The following IQCH variants were observed in gnomAD, a reference collection of about 807,000 sequenced individuals.
IQCH encodes IQ domain-containing protein H.
Under a neutral mutation model 117.0 loss-of-function variants are expected in IQCH, and 98 were observed. That is an observed-to-expected ratio of 0.84 (90% CI 0.71 to 0.99). IQCH has a LOEUF of 0.99. Among genes scored for constraint, IQCH ranks in the 50% least tolerant of loss-of-function variants. The pLI is 0.00. For synonymous variants in IQCH, 412 were observed against 448.2 expected (o/e 0.92, Z 1.02); for missense variants, 1,102 against 1,243.8 (o/e 0.89, Z 1.72).
At chr15:67,261,904 G>A (rs1965476906) in intron 2 of IQCH, among the ~76,000 whole-genome samples, 1 of 151,974 alleles carries the variant, frequency 6.6e-6, no homozygotes, top group South Asian at 2.1e-4. Flanking sequence ...TGGGCAACAT[G>A]GCGAAACCCT....
chr15:67,460,074 C>T (rs907941727), intron 16 of IQCH: 3 of 152,218 alleles, frequency 2.0e-5, no homozygotes, highest in Admixed American at 2.0e-4. Context: ...TCGCTTGAGC[C>T]CAGGAAGTCA....
chr15:67,350,087 A>G (rs2140709571), intron 6 of IQCH, among the ~76,000 whole-genome samples: 1 of 152,366 alleles, frequency 6.6e-6, no homozygotes, highest in East Asian at 1.9e-4. Flanking sequence ...TTTGTAATAT[A>G]TGAATGTTGC....
chr15:67,307,403 A>G (rs1277327663), intron 4 of IQCH, among the ~76,000 whole-genome samples: 1 of 151,264 alleles, frequency 6.6e-6, no homozygotes, highest in Non-Finnish European at 1.5e-5. Flanking sequence ...TCTCTCTCTC[A>G]CTGAAAGCAT....
chr15:67,479,323 T>G lies in IQCH; in HGVS notation c.2799+3505T>G, dbSNP rs2083287697. On this transcript the variant is annotated intron_variant, in intron 18 of 20. Transcript: ENST00000335894. The surrounding 1 kb of genome is among the most constrained non-coding windows in gnomAD (Gnocchi z 4.6). The stretch of plus-strand genomic sequence containing the variant: ...TCCCAGGGTCATACAGCCAGGAATT[T>G]TGTGGAACTGACATTTGAACCCGTA... 6.6e-6 allele frequency among the ~76,000 whole-genome samples: 1 copy of G among 152,222 alleles called. No homozygotes were observed.
At chr15:67,488,146 C>T (rs992808837) in intron 18 of IQCH, among the ~76,000 whole-genome samples, 5 of 152,180 alleles carry the variant, frequency 3.3e-5, no homozygotes, top group African/African-American at 1.2e-4. Context: ...AACCCTATCT[C>T]TACCAAAAAA....
Position 67,422,654 on chromosome 15 carries a change from T to C in IQCH, c.2505+1077T>C, listed in dbSNP as rs1278858263. Among the ~76,000 whole-genome samples the C allele has an allele frequency of 6.6e-6, 1 of 152,246 alleles. No homozygotes were observed. Among genetic ancestry groups the C allele is most frequent in the African/African-American group, 2.4e-5 (1 of 41,462 alleles). On this transcript the variant is annotated intron_variant, in intron 16 of 20. Coordinates refer to ENST00000335894, the MANE Select transcript of IQCH (RefSeq NM_001031715.3). The surrounding 1 kb of genome is among the most constrained non-coding windows in gnomAD (Gnocchi z 4.7). ...GATCATAACATTCTATCTATTATTA[T>C]TTTACTGTATGCTTTTGTTTAATAT...
intron 4 of IQCH, among the ~76,000 whole-genome samples, chr15:67,320,382 A>G (rs1968058432): frequency 6.6e-6 from 1 of 151,654 alleles, no homozygotes; most frequent in Admixed American, 6.6e-5. Context: ...CTTAACTGAA[A>G]CGACTACCAT....
At chr15:67,311,164 A>G (rs1054025444) in intron 4 of IQCH, among the ~76,000 whole-genome samples, 3 of 152,120 alleles carry the variant, frequency 2.0e-5, no homozygotes, top group Admixed American at 6.6e-5. Flanking sequence ...TATGAAATCT[A>G]TTTGTCAAAT....
intron 3 of IQCH, among the ~76,000 whole-genome samples, chr15:67,277,530 C>CTT (rs574311972): frequency 3.9e-5 from 5 of 128,836 alleles, no homozygotes; most frequent in East Asian, 2.3e-4. Context: ...CCTCCAGTAT[C>CTT]TTTTTTTTTT....
At chr15:67,326,874 A>G (rs1292680846) in intron 4 of IQCH, among the ~76,000 whole-genome samples, 1 of 152,192 alleles carries the variant, frequency 6.6e-6, no homozygotes, top group Non-Finnish European at 1.5e-5. Flanking sequence ...TATTTCAGTA[A>G]ATTGATTTCA....
chr15:67,470,148 A>G (rs183246004), intron 17 of IQCH, among the ~76,000 whole-genome samples: 42 of 152,322 alleles, frequency 2.8e-4, no homozygotes, highest in Admixed American at 7.8e-4. Context: ...CCGGATGTTC[A>G]TAGAGGAGTC....
Position 67,472,801 on chromosome 15 carries a change from A to T in IQCH, c.2677-2895A>T, listed in dbSNP as rs753608360. Among the ~76,000 whole-genome samples the T allele has an allele frequency of 6.6e-6, 1 of 152,128 alleles. No individual in the cohort carries two copies. On this transcript the variant is annotated intron_variant, in intron 17 of 20. Coordinates refer to ENST00000335894, the MANE Select transcript of IQCH (RefSeq NM_001031715.3). This position sits in a 1 kb window ranked among gnomAD's most constrained non-coding sequence, Gnocchi z 4.3. ...TGGACTAGGATGGTGATGGTTATGG[A>T]AAAGAAGGTTGGGAGACATGTACCA...
chr15:67,305,159 T>A (rs776508028), intron 4 of IQCH, among the ~76,000 whole-genome samples: 63 of 152,142 alleles, frequency 4.1e-4, no homozygotes, highest in Non-Finnish European at 7.5e-4. Flanking sequence ...TCTATTTTTT[T>A]AAATACATTT....
At chr15:67,340,437 A>C (rs1339473204) in intron 5 of IQCH, among the ~76,000 whole-genome samples, 46 of 129,240 alleles carry the variant, frequency 3.6e-4, no homozygotes, top group African/African-American at 8.1e-4. Flanking sequence ...AAAAAAAAAA[A>C]AAAAAAAAAA....
At position 67,373,375 on chromosome 15, in the gene IQCH, A is replaced by G; in HGVS notation, c.1314A>G (p.Ala438=). 6.2e-7 allele frequency: 1 copy of G among 1,611,590 alleles called. No homozygotes were observed. Among genetic ancestry groups the G allele is most frequent in the Non-Finnish European group, 8.5e-7 (1 of 1,177,924 alleles). The change falls in exon 10 of 21, where the codon GCA becomes GCG. Residue 438 remains alanine, a synonymous_variant. Transcript: ENST00000335894. The part of the protein sequence containing the change: ...ENFRIRAKHL[A]ANWNRIRTSR... ...CTCTTCTTGATTTTTAGCATCTGGC[A>G]GCCAACTGGAATCGCATCAGGACCT... is the stretch of plus-strand genomic sequence containing the variant.
At chr15:67,418,475 T>A (rs985332851) in intron 15 of IQCH, among the ~76,000 whole-genome samples, 10 of 126,778 alleles carry the variant, frequency 7.9e-5, no homozygotes, top group African/African-American at 1.2e-4. Flanking sequence ...GTAAGGAAAG[T>A]CAACCCCATG....
chr15:67,489,774 G>A (rs537634446), intron 18 of IQCH, among the ~76,000 whole-genome samples: 21 of 151,338 alleles, frequency 1.4e-4, no homozygotes, highest in Admixed American at 4.6e-4. Flanking sequence ...AAGCACACTA[G>A]ATGATTCTGA....
At chr15:67,399,990 T>C (rs1971590025) in intron 13 of IQCH, 124 bp from the exon 14 acceptor site, 1 of 680,732 alleles carries the variant, frequency 1.5e-6, no homozygotes, top group Non-Finnish European at 2.5e-6. Context: ...AACTAGAAGA[T>C]AACCAAATGA....
intron 20 of IQCH, among the ~76,000 whole-genome samples, chr15:67,498,696 C>T (rs1422124184): frequency 2.6e-5 from 4 of 151,618 alleles, no homozygotes; most frequent in African/African-American, 9.7e-5. Flanking sequence ...AAAAAACATA[C>T]GTATAAACCT....
Sources: allele counts gnomAD v4.1 joint callset (sites outside exome capture counted in the v4.1 genomes callset), GRCh38; gene constraint gnomAD v4.1.1; non-coding constraint Gnocchi (gnomAD v3.1); transcripts MANE v1.5; gene names NCBI Gene and HGNC (gene_info 2026-07-23, HGNC 2026-07-21).